TNC: variants seen among roughly 807,000 people sequenced by gnomAD.
TNC encodes the protein tenascin C.
Under a neutral mutation model 202.4 loss-of-function variants are expected in TNC, and 109 were observed. The observed-to-expected ratio is 0.54, with a 90% CI of 0.46 to 0.63. The LOEUF (loss-of-function observed/expected upper bound fraction) is 0.63, where lower values mean the gene tolerates loss of function less well. TNC is among the 30% of genes least tolerant of loss of function. The pLI is 0.00. For missense variants in TNC, 2,756 were observed against 2,833.3 expected, an observed-to-expected ratio of 0.97 and a Z score of 0.62; for synonymous variants, 1,007 against 1,089.7, an observed-to-expected ratio of 0.92 and a Z score of 1.50.
At chr9:115,053,111 A>G (rs1831834195) in intron 15 of TNC, 4 of 636,414 alleles carry the variant, frequency 6.3e-6, no homozygotes, top group South Asian at 3.6e-5. Context: ...GAAAGCATCA[A>G]TATCTCCAAA....
chr9:115,110,981 G>A (rs550836359), intron 1 of TNC, among the ~76,000 whole-genome samples: 14 of 151,334 alleles, frequency 9.3e-5, no homozygotes, highest in East Asian at 3.9e-4. Context: ...CCAGGTTCAC[G>A]CCAGTCTCCT....
In TNC at chr9:115,059,993, G is replaced by A. The variant is rs777306664; in HGVS notation, c.4043C>T (p.Pro1348Leu). 37 of 1,612,472 alleles carry A rather than the reference G, an allele frequency of 2.3e-5. No individual in the cohort carries two copies. In the South Asian group the frequency reaches 3.6e-4, roughly 16 times the overall value. Residue 1348 changes from proline to leucine, a missense_variant, in exon 14 of 28, where the codon CCA becomes CTA. By Grantham distance (98) the Pro-to-Leu change is moderately conservative. Coordinates refer to ENST00000350763, the MANE Select transcript of TNC (RefSeq NM_002160.4). ...AGACACGGCTAAATCTCCCAGCTGT[G>A]GGAGATCCTCTGAAGAAGGACAGAA... is the stretch of plus-strand genomic sequence containing the variant. ...LAVEVVTEDL[P>L]QLGDLAVSEV...
Position 115,079,482 on chromosome 9 carries a change from CACCCAAACCGT to C in TNC, c.2405-1281_2405-1271del, listed in dbSNP as rs1834134333. ...CTGTGTTCTTATAGGTGCTAGCAAG[CACCCAAACCGT>C]ACCTACTACCTTCCTTAGTACCCCT... is the stretch of plus-strand genomic sequence containing the variant. On this transcript the variant is annotated intron_variant, in intron 6 of 27. Transcript: ENST00000350763. 2.0e-5 allele frequency among the ~76,000 whole-genome samples: 3 copies of C among 152,278 alleles called. No homozygotes were observed. The South Asian group carries it at 6.2e-4, about 32-fold the overall frequency.
rs117809703 is a variant in TNC, at chr9:115,102,858, T to C, written c.-136-11704A>G. On this transcript the variant is annotated intron_variant, in intron 1 of 27. Coordinates refer to ENST00000350763, the MANE Select transcript of TNC (RefSeq NM_002160.4). ...GAACATAGTAAATGCACAATATGTT[T>C]ATATTAAATGAAATGAAGCTGAATG... 3.3e-3 allele frequency among the ~76,000 whole-genome samples: 508 copies of C among 152,350 alleles called. 3 individuals carry two copies. Among genetic ancestry groups the C allele is most frequent in the Non-Finnish European group, 5.7e-3 (387 of 68,036 alleles).
At chr9:115,040,549 G>C (rs1356221232) in intron 19 of TNC, among the ~76,000 whole-genome samples, 4 of 152,210 alleles carry the variant, frequency 2.6e-5, no homozygotes, top group African/African-American at 9.6e-5. Flanking sequence ...CATACCCTGT[G>C]AGGGAAGCAG....
In TNC at chr9:115,057,198, C is replaced by A; in HGVS notation, c.4534G>T (p.Ala1512Ser). Reference sequence around the variant, plus strand: ...ATGGTTTTGGTCCGGATGCTGGGAGCAAGTCCAGAGAGGTAGACAATAAAA... The same window carrying A: ...ATGGTTTTGGTCCGGATGCTGGGAGAAAGTCCAGAGAGGTAGACAATAAAA... ...TDFIVYLSGL[A>S]PSIRTKTISA... The change falls in exon 15 of 28, where the codon GCT (alanine) becomes TCT (serine). Residue 1512 changes from alanine (A) to serine (S), a missense_variant. By Grantham distance (99) the Ala-to-Ser change is moderately conservative. Around this residue, in one of 2 missense-constraint regions of TNC, gnomAD observed 2,559 missense variants for 2,546.0 expected, o/e 1.01. Coordinates refer to ENST00000350763, the MANE Select transcript of TNC (RefSeq NM_002160.4). The A allele has an allele frequency of 6.2e-7, 1 of 1,613,958 alleles. No homozygotes were observed. The highest frequency in any genetic ancestry group is 8.5e-7 in the Non-Finnish European group (1 of 1,179,952).
intron 1 of TNC, among the ~76,000 whole-genome samples, chr9:115,108,382 C>T (rs1351486402): frequency 2.0e-5 from 3 of 152,200 alleles, no homozygotes; most frequent in Non-Finnish European, 2.9e-5. Flanking sequence ...ATGATGCACT[C>T]TACTTCCCTG....
chr9:115,068,330 G>T (rs954928146), intron 10 of TNC, among the ~76,000 whole-genome samples: 2 of 152,144 alleles, frequency 1.3e-5, no homozygotes, highest in Non-Finnish European at 2.9e-5. Context: ...GCTCCTGGTG[G>T]GTTGAGCAGC....
intron 1 of TNC, among the ~76,000 whole-genome samples, chr9:115,107,612 G>A (rs2134214042): frequency 6.6e-6 from 1 of 152,112 alleles, no homozygotes; most frequent in East Asian, 1.9e-4. Flanking sequence ...ATTAATTTGA[G>A]ACTCAGGGAG....
chr9:115,030,344 G>A lies in TNC; in HGVS notation c.5982C>T (p.Thr1994=). Residue 1994 remains threonine (T), a synonymous_variant, in exon 24 of 28, where the codon ACC becomes ACT. Coordinates refer to ENST00000350763, the MANE Select transcript of TNC (RefSeq NM_002160.4). Reference sequence around the variant, plus strand: ...TCAGATAAATGGTGTAGAGGCCAGAGGTCGTGTCTCCATTCAGCATTGCTT... The same window carrying A: ...TCAGATAAATGGTGTAGAGGCCAGAAGTCGTGTCTCCATTCAGCATTGCTT... ...CSQAMLNGDT[T]SGLYTIYLNG... 1.2e-5 allele frequency: 19 copies of A among 1,614,126 alleles called. No homozygotes were observed. Among genetic ancestry groups the A allele is most frequent in the East Asian group, 2.2e-5 (1 of 44,880 alleles).
Position 115,021,089 on chromosome 9 carries a change from T to G in TNC, c.*68A>C. On this transcript the variant is annotated 3_prime_UTR_variant, in exon 28 of 28. Transcript: ENST00000350763. Reference sequence around the variant, plus strand: ...GGACCGATGGTTGGGCTGGTTGTATTGATGCTTTGGTAAAATCCTTTCCTC... The same window carrying G: ...GGACCGATGGTTGGGCTGGTTGTATGGATGCTTTGGTAAAATCCTTTCCTC... 7.5e-7 allele frequency: 1 copy of G among 1,339,190 alleles called. No individual in the cohort carries two copies. The highest frequency in any genetic ancestry group is 1.1e-6 in the Non-Finnish European group (1 of 939,442). The allele number at this position is 1,339,190 out of a possible 1,614,324, so 83.0% of individuals were successfully genotyped here.
chr9:115,040,726 C>G (rs999070196), intron 19 of TNC, among the ~76,000 whole-genome samples: 1 of 152,136 alleles, frequency 6.6e-6, no homozygotes, highest in African/African-American at 2.4e-5. Flanking sequence ...GTTAAGGTCA[C>G]CCAGCTCACC....
intron 1 of TNC, among the ~76,000 whole-genome samples, chr9:115,096,862 C>T (rs1385497286): frequency 6.6e-6 from 1 of 152,180 alleles, no homozygotes; most frequent in Non-Finnish European, 1.5e-5. Context: ...CTTCCTCCCT[C>T]TGCACACCTT....
Position 115,041,004 on chromosome 9 carries a change from C to T in TNC, c.5329G>A (p.Val1777Ile), listed in dbSNP as rs1830689813. 6.2e-7 allele frequency: 1 copy of T among 1,614,120 alleles called. No individual in the cohort carries two copies. The change falls in exon 19 of 28, where the codon GTC (valine) becomes ATC (isoleucine). Residue 1777 changes from valine to isoleucine, a missense_variant. Val to Ile is a conservative substitution (Grantham distance 29). Around this residue, in one of 2 missense-constraint regions of TNC, gnomAD observed 2,559 missense variants for 2,546.0 expected, o/e 1.01. Coordinates refer to ENST00000350763, the MANE Select transcript of TNC (RefSeq NM_002160.4). Reference sequence around the variant, plus strand: ...AAGCCCTTCATGGCGATGATGCTGACAAGGTACTCCACGCCAGGTATGAGT... The same window carrying T: ...AAGCCCTTCATGGCGATGATGCTGATAAGGTACTCCACGCCAGGTATGAGT... The part of the protein sequence containing the change: ...VKLIPGVEYL[V>I]SIIAMKGFEE...
chr9:115,096,221 C>T (rs558884788), intron 1 of TNC, among the ~76,000 whole-genome samples: 5 of 152,184 alleles, frequency 3.3e-5, no homozygotes, highest in South Asian at 4.1e-4. Flanking sequence ...AAAACTTCCC[C>T]GTGAGATAGA....
intron 15 of TNC, among the ~76,000 whole-genome samples, chr9:115,051,999 T>C (rs1271060455): frequency 6.9e-6 from 1 of 145,570 alleles, no homozygotes; most frequent in Admixed American, 6.9e-5. Context: ...TGTCAATGGA[T>C]GAATGGATAA....
intron 1 of TNC, among the ~76,000 whole-genome samples, chr9:115,099,297 T>C (rs1458493342): frequency 6.6e-6 from 1 of 152,212 alleles, no homozygotes; most frequent in South Asian, 2.1e-4. Flanking sequence ...GGATAGGTCT[T>C]GCCCTTAATG....
chr9:115,021,193 G>A lies in TNC; in HGVS notation c.6570C>T (p.Asn2190=). The part of the protein sequence containing the change: ...QFAEMKLRPS[N]FRNLEGRRKR... Reference sequence around the variant, plus strand: ...TGCGCCTGCCTTCAAGATTTCTGAAGTTGCTTGGTCTCAGCTTCATCTCAG... The same window carrying A: ...TGCGCCTGCCTTCAAGATTTCTGAAATTGCTTGGTCTCAGCTTCATCTCAG... Residue 2190 remains asparagine (N), a synonymous_variant, in exon 28 of 28, where the codon AAC becomes AAT. Transcript: ENST00000350763. 1 of 1,613,776 alleles carries A rather than the reference G, an allele frequency of 6.2e-7. No homozygotes were observed. The highest frequency in any genetic ancestry group is 8.5e-7 in the Non-Finnish European group (1 of 1,179,956).
intron 9 of TNC, among the ~76,000 whole-genome samples, chr9:115,074,934 G>A (rs1196834658): frequency 6.6e-6 from 1 of 152,154 alleles, no homozygotes; most frequent in East Asian, 1.9e-4. Context: ...GGGAACCTGG[G>A]TGATGGGCAC....
Sources: gnomAD v4.1 joint callset for allele counts (sites outside exome capture counted in the v4.1 genomes callset) on GRCh38, gnomAD v4.1.1 for gene constraint, gnomAD v4.1.1 regional missense constraint, MANE v1.5 for transcripts, NCBI Gene and HGNC (gene_info 2026-07-23, HGNC 2026-07-21) for gene names.